Variants in CNTNAP2 observed in about 807,000 individuals in gnomAD.
CNTNAP2 encodes the protein contactin associated protein 2.
A neutral mutation model predicts 155.2 loss-of-function variants in CNTNAP2; 98 were observed. That is an observed-to-expected ratio of 0.63 (90% CI 0.54 to 0.75). The LOEUF (loss-of-function observed/expected upper bound fraction) is 0.75. CNTNAP2 is among the 30% of genes least tolerant of loss of function. The pLI is 0.00. For missense variants in CNTNAP2, 1,727 were observed against 1,688.1 expected, an observed-to-expected ratio of 1.02 and a Z score of -0.40; for synonymous variants, 651 against 631.2, an observed-to-expected ratio of 1.03 and a Z score of -0.47.
At chr7:146,257,918 T>G (rs1799863934) in intron 1 of CNTNAP2, among the ~76,000 whole-genome samples, 1 of 151,806 alleles carries the variant, frequency 6.6e-6, no homozygotes, top group Admixed American at 6.6e-5. Flanking sequence ...GTGGTCTTGC[T>G]CTGTCACCCA....
At chr7:147,479,547 A>G (rs1349363965) in intron 10 of CNTNAP2, among the ~76,000 whole-genome samples, 1 of 152,212 alleles carries the variant, frequency 6.6e-6, no homozygotes, top group African/African-American at 2.4e-5. Flanking sequence ...TTCAAAAGAC[A>G]TTTTATTTAC....
intron 10 of CNTNAP2, among the ~76,000 whole-genome samples, chr7:147,467,763 G>T (rs1463825080): frequency 6.6e-6 from 1 of 152,136 alleles, no homozygotes; most frequent in East Asian, 1.9e-4. Context: ...TGGGCATTGT[G>T]GCTACACCTG....
At chr7:146,571,961 C>A (rs921170878) in intron 1 of CNTNAP2, among the ~76,000 whole-genome samples, 1 of 152,112 alleles carries the variant, frequency 6.6e-6, no homozygotes, top group South Asian at 2.1e-4. Flanking sequence ...TCAGATGATC[C>A]CCCCACCTCG....
At chr7:148,221,740 G>T (rs551971115) in intron 19 of CNTNAP2, among the ~76,000 whole-genome samples, 8 of 152,192 alleles carry the variant, frequency 5.3e-5, no homozygotes, top group East Asian at 1.9e-4. Flanking sequence ...AGAACCAGCT[G>T]CCCCCAGCAC....
intron 8 of CNTNAP2, among the ~76,000 whole-genome samples, chr7:147,284,330 AG>A (rs2116732294): frequency 6.6e-6 from 1 of 151,922 alleles, no homozygotes; most frequent in African/African-American, 2.4e-5. Context: ...GGACAGAGAG[AG>A]AAAGCAACTT....
intron 1 of CNTNAP2, among the ~76,000 whole-genome samples, chr7:146,714,384 A>G (rs1343141462): frequency 2.6e-5 from 4 of 152,228 alleles, no homozygotes; most frequent in African/African-American, 9.6e-5. Context: ...ACACCATACT[A>G]TATTTAAAAC....
intron 1 of CNTNAP2, among the ~76,000 whole-genome samples, chr7:146,557,216 A>G (rs997262198): frequency 6.6e-6 from 1 of 152,060 alleles, no homozygotes; most frequent in Non-Finnish European, 1.5e-5. Flanking sequence ...CGATATTTAG[A>G]TTATGAAGGC....
intron 12 of CNTNAP2, among the ~76,000 whole-genome samples, chr7:147,588,205 A>AGG (rs1455818789): frequency 3.0e-5 from 4 of 134,172 alleles, no homozygotes; most frequent in African/African-American, 1.3e-4. Context: ...AGAGAGAGAG[A>AGG]AAAAACAAAA....
At chr7:146,478,969 TCTCTA>T (rs1387232112) in intron 1 of CNTNAP2, among the ~76,000 whole-genome samples, 1 of 152,160 alleles carries the variant, frequency 6.6e-6, no homozygotes, top group African/African-American at 2.4e-5. Flanking sequence ...CCTTTTCTGT[TCTCTA>T]CTCAAAACAA....
chr7:146,703,926 A>T (rs947592215), intron 1 of CNTNAP2, among the ~76,000 whole-genome samples: 2 of 151,088 alleles, frequency 1.3e-5, no homozygotes, highest in Admixed American at 6.6e-5. Flanking sequence ...CTTTATTTTA[A>T]TTTTTTTCTC....
Position 146,139,486 on chromosome 7 carries a change from A to G in CNTNAP2, c.97+22513A>G, listed in dbSNP as rs536764084. On this transcript the variant is annotated intron_variant, in intron 1 of 23. Transcript: ENST00000361727. ...AATTTAAAAGGGTTTCTAAAAATCA[A>G]TGAGAAAGATTATGGAAGATGTGTT... Among the ~76,000 whole-genome samples, 5 of 152,302 alleles carry G rather than the reference A, an allele frequency of 3.3e-5. No homozygotes were observed. The East Asian group carries it at 5.8e-4, about 18-fold the overall frequency.
chr7:146,535,253 G>A lies in CNTNAP2; in HGVS notation c.98-239018G>A, dbSNP rs58393280. ...ATATTATATCATATATCATATATAT[G>A]ATATTATATCATATATATTATATAT... On this transcript the variant is annotated intron_variant, in intron 1 of 23. Coordinates refer to ENST00000361727, the MANE Select transcript of CNTNAP2 (RefSeq NM_014141.6). 1.2e-4 allele frequency among the ~76,000 whole-genome samples: 5 copies of A among 41,180 alleles called. 1 individual carries two copies. Among genetic ancestry groups the A allele is most frequent in the African/African-American group, 2.3e-4 (1 of 4,284 alleles). 27.0% of individuals were successfully genotyped at this position (41,180 alleles called of 152,430 possible). A position where few individuals can be genotyped will look rare whatever the true frequency, so the allele number is the denominator to read the frequency against.
At chr7:146,150,544 CTT>C (rs1021667147) in intron 1 of CNTNAP2, among the ~76,000 whole-genome samples, 2 of 151,744 alleles carry the variant, frequency 1.3e-5, no homozygotes, top group African/African-American at 4.8e-5. Flanking sequence ...AATTTTATAT[CTT>C]TGTAGATTTT....
chr7:147,374,724 CAT>C (rs1201043694), intron 9 of CNTNAP2, among the ~76,000 whole-genome samples: 4 of 152,070 alleles, frequency 2.6e-5, no homozygotes, highest in African/African-American at 9.7e-5. Flanking sequence ...ATTCTGGAAA[CAT>C]AGGAAAAGAG....
At chr7:146,341,544 C>T (rs1037722482) in intron 1 of CNTNAP2, among the ~76,000 whole-genome samples, 5 of 152,136 alleles carry the variant, frequency 3.3e-5, no homozygotes, top group African/African-American at 1.2e-4. Context: ...GTAGTACTAT[C>T]GTGCTGCTAT....
chr7:146,951,839 G>T (rs1192856563), intron 3 of CNTNAP2, among the ~76,000 whole-genome samples: 1 of 152,048 alleles, frequency 6.6e-6, no homozygotes, highest in Non-Finnish European at 1.5e-5. Flanking sequence ...GAAAGTCAAT[G>T]GTAGCTTGAT....
intron 1 of CNTNAP2, among the ~76,000 whole-genome samples, chr7:146,345,591 C>T (rs1794807889): frequency 6.6e-6 from 1 of 152,162 alleles, no homozygotes; most frequent in Non-Finnish European, 1.5e-5. Context: ...GCCCAAACTG[C>T]CACACACTTT....
chr7:147,764,808 A>T (rs1430127783), intron 13 of CNTNAP2, among the ~76,000 whole-genome samples: 3 of 152,208 alleles, frequency 2.0e-5, no homozygotes, highest in African/African-American at 7.2e-5. Context: ...ATCAGAAGTC[A>T]TCATATCTCT....
chr7:146,292,161 A>G (rs1225417616), intron 1 of CNTNAP2, among the ~76,000 whole-genome samples: 6 of 152,182 alleles, frequency 3.9e-5, no homozygotes, highest in Admixed American at 3.9e-4. Flanking sequence ...GAGAATGAAA[A>G]TCAAAACCAC....
Sources: allele counts gnomAD v4.1 joint callset (sites outside exome capture counted in the v4.1 genomes callset), GRCh38; gene constraint gnomAD v4.1.1; transcripts MANE v1.5; gene names NCBI Gene and HGNC (gene_info 2026-07-23, HGNC 2026-07-21).